PROS1: variants seen among roughly 807,000 people sequenced by gnomAD.
The protein encoded by PROS1 is vitamin K-dependent protein S.
In PROS1, 29 loss-of-function variants were observed where a neutral mutation model predicts 75.9. The observed-to-expected ratio is 0.38, with a 90% CI of 0.28 to 0.52. The LOEUF (loss-of-function observed/expected upper bound fraction) is 0.52. PROS1 is among the 20% of genes least tolerant of loss of function. PROS1 has a pLI of 0.83. For missense variants in PROS1, 680 were observed against 810.3 expected, an observed-to-expected ratio of 0.84 and a Z score of 1.95; for synonymous variants, 245 against 280.6, an observed-to-expected ratio of 0.87 and a Z score of 1.27.
intron 1 of PROS1, among the ~76,000 whole-genome samples, chr3:93,927,967 ATGTGTGTATATATATGTGTG>A (rs1709050593): frequency 8.2e-6 from 1 of 122,168 alleles, no homozygotes; most frequent in Non-Finnish European, 1.7e-5. Context: ...GTATATATAT[ATGTGTGTATATATATGTGTG>A]TGTGTGTATA....
intron 5 of PROS1, 38 bp downstream of exon 5, chr3:93,905,983 A>G: frequency 6.3e-7 from 1 of 1,597,026 alleles, no homozygotes; most frequent in Non-Finnish European, 8.5e-7. Context: ...CAGGAGACCA[A>G]TCCTGATGAG....
intron 1 of PROS1, among the ~76,000 whole-genome samples, chr3:93,942,274 A>C (rs1253702918): frequency 6.6e-6 from 1 of 152,128 alleles, no homozygotes; most frequent in Admixed American, 6.5e-5. Context: ...CAAAGGGACT[A>C]CACATCAGTA....
intron 1 of PROS1, among the ~76,000 whole-genome samples, chr3:93,931,614 T>C (rs1709106180): frequency 6.6e-6 from 1 of 152,164 alleles, no homozygotes; most frequent in Admixed American, 6.5e-5. Flanking sequence ...GTACTTTATC[T>C]CCAGCTTTCA....
intron 1 of PROS1, among the ~76,000 whole-genome samples, chr3:93,929,440 C>G (rs1709072970): frequency 6.6e-6 from 1 of 151,912 alleles, no homozygotes; most frequent in African/African-American, 2.4e-5. Flanking sequence ...ATGATCACAC[C>G]ACTGCACTCC....
intron 1 of PROS1, among the ~76,000 whole-genome samples, chr3:93,964,672 T>C (rs1299735039): frequency 1.3e-5 from 2 of 152,194 alleles, no homozygotes; most frequent in Non-Finnish European, 2.9e-5. Context: ...CTTTTGCCCT[T>C]TGAAGCATGT....
intron 14 of PROS1, among the ~76,000 whole-genome samples, chr3:93,875,703 A>G (rs1436200458): frequency 6.6e-6 from 1 of 151,524 alleles, no homozygotes; most frequent in Non-Finnish European, 1.5e-5. Flanking sequence ...CTGTCTTTCT[A>G]TAGCTTTTAA....
chr3:93,941,096 A>G (rs1436935693), intron 1 of PROS1, among the ~76,000 whole-genome samples: 1 of 152,056 alleles, frequency 6.6e-6, no homozygotes, highest in East Asian at 1.9e-4. Flanking sequence ...CCTGCAAATT[A>G]CCTGGGCTGT....
intron 1 of PROS1, among the ~76,000 whole-genome samples, chr3:93,934,867 C>T (rs932295622): frequency 1.3e-5 from 2 of 151,382 alleles, no homozygotes; most frequent in Non-Finnish European, 2.9e-5. Context: ...TTAACAACAA[C>T]AGAAGTGAAA....
At chr3:93,947,954 A>T (rs8178597) in intron 1 of PROS1, among the ~76,000 whole-genome samples, 2,428 of 152,236 alleles carry the variant, frequency 0.016, 60 homozygotes, top group African/African-American at 0.053. Flanking sequence ...ACCTAAATAG[A>T]AGCCTGGTTA....
At position 93,875,564 on chromosome 3, in the gene PROS1, G is replaced by C. The variant is rs149933798; in HGVS notation, c.1871-1159C>G. Among the ~76,000 whole-genome samples the C allele has an allele frequency of 2.2e-3, 330 of 152,078 alleles. 2 individuals carry two copies. The highest frequency in any genetic ancestry group is 7.5e-3 in the African/African-American group (312 of 41,488). ...AAGGTAGTAGGTAGATTTCAATATA[G>C]AATTTATTCATTTAAACTATAATTT... On this transcript the variant is annotated intron_variant, in intron 14 of 14. Transcript: ENST00000394236.
intron 2 of PROS1, among the ~76,000 whole-genome samples, chr3:93,925,425 C>T (rs1010029189): frequency 6.6e-6 from 1 of 151,978 alleles, no homozygotes; most frequent in African/African-American, 2.4e-5. Context: ...ATAAGTAGTA[C>T]TGTGGGGACT....
At chr3:93,902,573 C>CA (rs1708611256) in intron 6 of PROS1, among the ~76,000 whole-genome samples, 1 of 151,850 alleles carries the variant, frequency 6.6e-6, no homozygotes, top group Admixed American at 6.6e-5. Context: ...GTCAACATGG[C>CA]AAAACCCCGT....
intron 1 of PROS1, among the ~76,000 whole-genome samples, chr3:93,954,772 CATCAGA>C (rs1236377205): frequency 2.0e-5 from 3 of 152,104 alleles, no homozygotes; most frequent in African/African-American, 7.2e-5. Context: ...AAGAAACTAC[CATCAGA>C]GTGAACAGGC....
chr3:93,906,666 G>T (rs1463257566), intron 4 of PROS1, among the ~76,000 whole-genome samples: 2 of 152,236 alleles, frequency 1.3e-5, no homozygotes, highest in Non-Finnish European at 2.9e-5. Context: ...AGTCCCCTGA[G>T]TGCAGCTGCA....
intron 10 of PROS1, among the ~76,000 whole-genome samples, chr3:93,891,420 T>TTTTC (rs1032244671): frequency 8.5e-5 from 13 of 152,158 alleles, no homozygotes; most frequent in East Asian, 7.7e-4. Flanking sequence ...TGCTAATTTC[T>TTTTC]TTTCTTTCTT....
intron 2 of PROS1, 110 bp from the exon 3 acceptor site, chr3:93,924,374 T>A (rs1181671617): frequency 3.7e-6 from 2 of 540,568 alleles, no homozygotes; most frequent in African/African-American, 1.9e-5. Context: ...AAGTTACATA[T>A]AACCATCATT....
At chr3:93,888,189 T>A (rs1708378589) in intron 10 of PROS1, among the ~76,000 whole-genome samples, 1 of 152,202 alleles carries the variant, frequency 6.6e-6, no homozygotes, top group Admixed American at 6.5e-5. Context: ...TTTGTTTTGT[T>A]CATATCTTTA....
At chr3:93,972,913 A>T (rs1324063902) in intron 1 of PROS1, among the ~76,000 whole-genome samples, 2 of 152,096 alleles carry the variant, frequency 1.3e-5, no homozygotes, top group African/African-American at 4.8e-5. Context: ...AAACAAATTA[A>T]CTGACCACTA....
chr3:93,953,052 A>T (rs911659201), intron 1 of PROS1, among the ~76,000 whole-genome samples: 4 of 152,202 alleles, frequency 2.6e-5, no homozygotes, highest in African/African-American at 9.7e-5. Context: ...CCCTTAATAG[A>T]TCAATAACAG....
Sources: allele counts gnomAD v4.1 joint callset (sites outside exome capture counted in the v4.1 genomes callset), GRCh38; gene constraint gnomAD v4.1.1; transcripts MANE v1.5; gene names NCBI Gene and HGNC (gene_info 2026-07-23, HGNC 2026-07-21).